Variants in CALN1 observed in about 807,000 individuals in gnomAD.
CALN1 encodes calcium-binding protein 8.
In CALN1, 17 loss-of-function variants were observed where a neutral mutation model predicts 30.6. The observed-to-expected ratio is 0.56, with a 90% CI of 0.38 to 0.83. CALN1 has a LOEUF of 0.83. CALN1 is among the 40% of genes least tolerant of loss of function. CALN1 has a pLI of 0.00. For synonymous variants in CALN1, 156 were observed against 131.4 expected (o/e 1.19, Z -1.28); for missense variants, 291 against 354.9 (o/e 0.82, Z 1.45).
rs576529855 is a variant in CALN1, at chr7:71,959,668, T to G, written c.501+63989A>C. 9.2e-5 allele frequency among the ~76,000 whole-genome samples: 14 copies of G among 151,914 alleles called. No homozygotes were observed. In the South Asian group the frequency reaches 1.3e-3, roughly 14 times the overall value. On this transcript the variant is annotated intron_variant, in intron 5 of 6. Coordinates refer to ENST00000395275, the MANE Select transcript of CALN1 (RefSeq NM_031468.4). The stretch of plus-strand genomic sequence containing the variant: ...GGGAAGGGTATGTGTGGTGGATACT[T>G]TCAGCAAAGGTGAGACACGATGGTC...
chr7:71,836,122 G>A (rs1308826395), intron 5 of CALN1, among the ~76,000 whole-genome samples: 1 of 152,142 alleles, frequency 6.6e-6, no homozygotes, highest in East Asian at 1.9e-4. Context: ...AGACAGACCT[G>A]ACCCAATTTC....
chr7:71,973,599 T>C (rs1797957794), intron 5 of CALN1, among the ~76,000 whole-genome samples: 1 of 152,222 alleles, frequency 6.6e-6, no homozygotes. Context: ...AGCAGAAATG[T>C]GTCTTCTCCT....
At chr7:71,814,886 T>A (rs933791107) in intron 5 of CALN1, among the ~76,000 whole-genome samples, 1 of 150,702 alleles carries the variant, frequency 6.6e-6, no homozygotes, top group African/African-American at 2.4e-5. Context: ...CACCCTGGAG[T>A]GCAGTGACGC....
In CALN1 at chr7:71,786,957, A is replaced by AAT. The variant is rs1284040361; in HGVS notation, c.*816_*817dup. 3.3e-5 allele frequency: 5 copies of AAT among 152,630 alleles called. No individual in the cohort carries two copies. Among genetic ancestry groups the AAT allele is most frequent in the Non-Finnish European group, 7.3e-5 (5 of 68,042 alleles). 9.5% of individuals were successfully genotyped at this position (152,630 alleles called of 1,614,324 possible). Reference sequence around the variant, plus strand: ...AATGACATCACACACGAAGAAGCCAAATATATATATCTGTCTATGTTATAG... The same window carrying AAT: ...AATGACATCACACACGAAGAAGCCAAATATATATATATCTGTCTATGTTATAG... On this transcript the variant is annotated 3_prime_UTR_variant, in exon 7 of 7. Coordinates refer to ENST00000395275, the MANE Select transcript of CALN1 (RefSeq NM_031468.4).
intron 1 of CALN1, among the ~76,000 whole-genome samples, chr7:72,406,615 C>CTTTTT (rs1189744119): frequency 9.8e-6 from 1 of 102,216 alleles, no homozygotes; most frequent in East Asian, 5.2e-4. Context: ...TCCTTGTCAG[C>CTTTTT]TTTTTTTTTT....
At chr7:72,174,928 T>G (rs1254580990) in intron 3 of CALN1, among the ~76,000 whole-genome samples, 1 of 150,010 alleles carries the variant, frequency 6.7e-6, no homozygotes, top group African/African-American at 2.4e-5. Context: ...TATAATCAAT[T>G]TTTTTTTTTT....
intron 3 of CALN1, among the ~76,000 whole-genome samples, chr7:72,166,308 C>T (rs1788519788): frequency 1.3e-5 from 2 of 152,116 alleles, no homozygotes; most frequent in South Asian, 4.1e-4. Flanking sequence ...CTCAAGCAAT[C>T]CTCCTACTTC....
chr7:71,884,039 G>A (rs560840109), intron 5 of CALN1, among the ~76,000 whole-genome samples: 21 of 152,072 alleles, frequency 1.4e-4, no homozygotes, highest in African/African-American at 5.1e-4. Flanking sequence ...TCAGCCTCCC[G>A]AGTAGCTGGG....
rs185102088 is a variant in CALN1 at position 72,282,746 on chromosome 7, G to A, written c.120-3936C>T. 6.2e-4 allele frequency among the ~76,000 whole-genome samples: 95 copies of A among 152,286 alleles called. No individual in the cohort carries two copies. The East Asian group carries it at 0.018, about 28-fold the overall frequency. On this transcript the variant is annotated intron_variant, in intron 2 of 6. Transcript: ENST00000395275. ...ATTTGTTACAGCAGTAGAAACTAAA[G>A]CAGAGTGGTTTCATGGTTAAGAATT... is the stretch of plus-strand genomic sequence containing the variant.
intron 2 of CALN1, among the ~76,000 whole-genome samples, chr7:72,309,941 G>A (rs950644873): frequency 2.0e-5 from 3 of 152,128 alleles, no homozygotes; most frequent in Non-Finnish European, 4.4e-5. Flanking sequence ...TGCCCTCCAA[G>A]GGGCCCTGCC....
upstream of CALN1, among the ~76,000 whole-genome samples, chr7:72,448,607 C>T (rs1028375439): frequency 3.3e-5 from 5 of 151,578 alleles, no homozygotes; most frequent in East Asian, 1.9e-4. Context: ...TGGCACCTTG[C>T]GTGATCTTTT....
At chr7:71,921,677 A>C (rs1286827895) in intron 5 of CALN1, among the ~76,000 whole-genome samples, 1 of 152,320 alleles carries the variant, frequency 6.6e-6, no homozygotes, top group South Asian at 2.1e-4. Context: ...GTTAGGATTA[A>C]AATTATGGCA....
At chr7:72,034,495 A>T (rs866076123) in intron 4 of CALN1, among the ~76,000 whole-genome samples, 14 of 151,762 alleles carry the variant, frequency 9.2e-5, no homozygotes, top group African/African-American at 3.4e-4. Flanking sequence ...TGTGGATTTG[A>T]AAGTCTCCAG....
chr7:71,815,333 T>A (rs2079351), intron 5 of CALN1, among the ~76,000 whole-genome samples: 24,755 of 152,074 alleles, frequency 0.16, 2,961 homozygotes, highest in East Asian at 0.61. Context: ...TGCCTGTTGA[T>A]GTCACAAGCT....
chr7:72,248,917 G>C (rs185780380), intron 3 of CALN1, among the ~76,000 whole-genome samples: 2 of 152,006 alleles, frequency 1.3e-5, no homozygotes, highest in African/African-American at 4.8e-5. Flanking sequence ...ATTTCAAAAG[G>C]ACATTTTAAG....
chr7:72,417,196 T>C (rs1807450411), upstream of CALN1, among the ~76,000 whole-genome samples: 1 of 152,118 alleles, frequency 6.6e-6, no homozygotes, highest in Admixed American at 6.5e-5. Flanking sequence ...TGCCCTCGCC[T>C]CCCGAGGGAG....
chr7:72,413,615 C>T (rs549263490), upstream of CALN1, among the ~76,000 whole-genome samples: 3 of 152,040 alleles, frequency 2.0e-5, no homozygotes, highest in South Asian at 6.2e-4. Flanking sequence ...TGCACACATA[C>T]ATATATACAC....
At position 71,955,650 on chromosome 7, in the gene CALN1, A is replaced by G. The variant is rs367993088; in HGVS notation, c.501+68007T>C. ...TGCATTGCCTTCCTTAGATTAAAAA[A>G]CTGATCAACATAGAGGTAATATAGG... On this transcript the variant is annotated intron_variant, in intron 5 of 6. Coordinates refer to ENST00000395275, the MANE Select transcript of CALN1 (RefSeq NM_031468.4). Among the ~76,000 whole-genome samples, 116 of 152,150 alleles carry G rather than the reference A, an allele frequency of 7.6e-4. 1 individual carries two copies. The highest frequency in any genetic ancestry group is 2.7e-3 in the African/African-American group (112 of 41,522).
chr7:72,150,826 C>T (rs185493723), intron 3 of CALN1, among the ~76,000 whole-genome samples: 3 of 152,142 alleles, frequency 2.0e-5, no homozygotes, highest in Admixed American at 6.5e-5. Flanking sequence ...GCAAAGTATA[C>T]TTGTCCAGCA....
Sources: gnomAD v4.1 joint callset for allele counts (sites outside exome capture counted in the v4.1 genomes callset) on GRCh38, gnomAD v4.1.1 for gene constraint, MANE v1.5 for transcripts, NCBI Gene and HGNC (gene_info 2026-07-23, HGNC 2026-07-21) for gene names.